Variants in KLHL22 observed in about 807,000 individuals in gnomAD.
KLHL22 encodes the protein kelch like family member 22.
In KLHL22, 18 loss-of-function variants were observed where a neutral mutation model predicts 60.7. The observed-to-expected ratio is 0.30, with a 90% CI of 0.20 to 0.44. The LOEUF (loss-of-function observed/expected upper bound fraction) is 0.44, where lower values mean the gene tolerates loss of function less well. KLHL22 is among the 20% of genes least tolerant of loss of function. The pLI is 1.00. For synonymous variants in KLHL22, 355 were observed against 354.5 expected, an observed-to-expected ratio of 1.00 and a Z score of -0.01; for missense variants, 596 against 852.3, an observed-to-expected ratio of 0.70 and a Z score of 3.74.
In KLHL22 at chr22:20,495,681, G is replaced by A. The variant is rs2053757802; in HGVS notation, c.-34+79C>T. The A allele has an allele frequency of 6.6e-6, 1 of 151,410 alleles. No individual in the cohort carries two copies. Among genetic ancestry groups the A allele is most frequent in the Non-Finnish European group, 1.5e-5 (1 of 67,580 alleles). The allele number at this position is 151,410 out of a possible 1,614,324, so 9.4% of individuals were successfully genotyped here. Reference sequence around the variant, plus strand: ...GACTCCGCGCCGCTAGCTTGTCCCCGGCCCAGCGATGCCTGCTTGCCGCCC... The same window carrying A: ...GACTCCGCGCCGCTAGCTTGTCCCCAGCCCAGCGATGCCTGCTTGCCGCCC... On this transcript the variant is annotated intron_variant, in intron 1 of 6. Transcript: ENST00000328879. This position sits in a 1 kb window ranked among gnomAD's most constrained non-coding sequence, Gnocchi z 4.6.
intron 3 of KLHL22, 130 bp downstream of exon 3, chr22:20,471,220 C>G: frequency 1.2e-6 from 1 of 830,732 alleles, no homozygotes; most frequent in Non-Finnish European, 1.8e-6. Context: ...TCATGGCCTT[C>G]GTCACTGCTT....
chr22:20,473,713 C>G (rs567552997), intron 2 of KLHL22, among the ~76,000 whole-genome samples: 1 of 152,078 alleles, frequency 6.6e-6, no homozygotes, highest in East Asian at 2.0e-4. Flanking sequence ...CCATCTCTAC[C>G]AAAAATACAA....
chr22:20,441,711 AG>A lies in KLHL22; in HGVS notation c.*361del, dbSNP rs2052760037. The A allele has an allele frequency of 4.6e-6, 1 of 216,388 alleles. No individual in the cohort carries two copies. The highest frequency in any genetic ancestry group is 1.9e-4 in the South Asian group (1 of 5,362). The allele number at this position is 216,388 out of a possible 1,614,324, so 13.4% of individuals were successfully genotyped here. On this transcript the variant is annotated 3_prime_UTR_variant, in exon 7 of 7. Transcript: ENST00000328879. Reference sequence around the variant, plus strand: ...ACAGCCCCACCCCATTCACAGAAAGAGGGCTACCACGTGCCTCAGCCCCCCT... The same window carrying A: ...ACAGCCCCACCCCATTCACAGAAAGAGGCTACCACGTGCCTCAGCCCCCCT...
At chr22:20,453,481 T>G (rs1037768553) in intron 5 of KLHL22, among the ~76,000 whole-genome samples, 1 of 152,214 alleles carries the variant, frequency 6.6e-6, no homozygotes, top group Non-Finnish European at 1.5e-5. Flanking sequence ...TACTCAGGTC[T>G]GTGGGTTTTC....
At chr22:20,464,562 G>A (rs910927093) in intron 4 of KLHL22, among the ~76,000 whole-genome samples, 6 of 152,140 alleles carry the variant, frequency 3.9e-5, no homozygotes, top group South Asian at 2.1e-4. Context: ...CTCCCCTCCC[G>A]TCTCCTCCTG....
At chr22:20,451,358 C>G (rs2146182047) in intron 5 of KLHL22, 2 of 1,611,760 alleles carry the variant, frequency 1.2e-6, no homozygotes, top group South Asian at 2.2e-5. Flanking sequence ...GATATGCAGA[C>G]AGCCCGGGAA....
Position 20,457,372 on chromosome 22 carries a change from G to T in KLHL22, c.1305+436C>A, listed in dbSNP as rs187431668. Among the ~76,000 whole-genome samples the T allele has an allele frequency of 1.9e-3, 290 of 152,152 alleles. 1 individual carries two copies. Among genetic ancestry groups the T allele is most frequent in the Non-Finnish European group, 2.5e-3 (173 of 67,992 alleles). On this transcript the variant is annotated intron_variant, in intron 5 of 6. Transcript: ENST00000328879. ...CTCTGGAAGGCGCCACCCTTCAGGG[G>T]ACCTAGAGGGAAGAGGTCTGAGGAT...
chr22:20,488,670 G>GTATCATTAAAAAAA, intron 2 of KLHL22: 1 of 239,262 alleles, frequency 4.2e-6, no homozygotes, highest in Non-Finnish European at 7.8e-6. Context: ...TGACGGAGGG[G>GTATCATTAAAAAAA]AGGAATGGTA....
intron 5 of KLHL22, among the ~76,000 whole-genome samples, chr22:20,452,103 G>C (rs1224056758): frequency 6.6e-6 from 1 of 151,920 alleles, no homozygotes; most frequent in Admixed American, 6.6e-5. Flanking sequence ...GCACTTTCCT[G>C]TCATTTCTAA....
In KLHL22 at chr22:20,465,624, C is replaced by T. The variant is rs1384432925; in HGVS notation, c.394-48G>A. ...TCAAGCCTGGGCTGGTGAACAGCAT[C>T]TGGGGGTGGGAGAGAGAATGATGGC... On this transcript the variant is annotated intron_variant, in intron 3 of 6. Coordinates refer to ENST00000328879, the MANE Select transcript of KLHL22 (RefSeq NM_032775.4). The surrounding 1 kb of genome is among the most constrained non-coding windows in gnomAD (Gnocchi z 4.9). The T allele has an allele frequency of 1.1e-6, 1 of 929,014 alleles. No individual in the cohort carries two copies. Among genetic ancestry groups the T allele is most frequent in the Non-Finnish European group, 1.8e-6 (1 of 555,474 alleles). The allele number at this position is 929,014 out of a possible 1,614,324, so 57.5% of individuals were successfully genotyped here.
In KLHL22 at chr22:20,451,458, C is replaced by A. The variant is rs1179262173; in HGVS notation, c.1306-4782G>T. 5.0e-6 allele frequency: 8 copies of A among 1,602,532 alleles called. No individual in the cohort carries two copies. The African/African-American group carries it at 8.0e-5, about 16-fold the overall frequency. On this transcript the variant is annotated intron_variant, in intron 5 of 6. Transcript: ENST00000328879. ...TCTTAAATTCAGTTGAGAAATATGA[C>A]CCTCATACAGGACACTGGACTAATG...
At chr22:20,454,321 T>C (rs1366777850) in intron 5 of KLHL22, among the ~76,000 whole-genome samples, 2 of 151,940 alleles carry the variant, frequency 1.3e-5, no homozygotes, top group African/African-American at 4.8e-5. Flanking sequence ...AGAGCGAGAC[T>C]CTGTCTCAAA....
chr22:20,476,405 ATTTTTTTTTTTTTTT>A (rs57189584), intron 2 of KLHL22, among the ~76,000 whole-genome samples: 2 of 69,354 alleles, frequency 2.9e-5, no homozygotes, highest in African/African-American at 1.3e-4. Context: ...ATTGACACAG[ATTTTTTTTTTTTTTT>A]TTTTTTTTTT....
In KLHL22 at chr22:20,446,675, A is replaced by G. The variant is rs749466536; in HGVS notation, c.1307T>C (p.Val436Ala). 6.2e-6 allele frequency: 10 copies of G among 1,607,696 alleles called. No individual in the cohort carries two copies. Among genetic ancestry groups the G allele is most frequent in the South Asian group, 1.1e-5 (1 of 91,076 alleles). The change falls in exon 6 of 7, where the codon GTG (valine) becomes GCG (alanine). Residue 436 changes from valine to alanine, a missense_variant and splice_region_variant. Val to Ala is a moderately conservative substitution (Grantham distance 64). Coordinates refer to ENST00000328879, the MANE Select transcript of KLHL22 (RefSeq NM_032775.4). ...CAGCGTCGCGCCTGCGTGGGCATACACCTGTGTGGAGCCACCAGGAGAAAT... is the reference window on the plus strand; with the variant it reads ...CAGCGTCGCGCCTGCGTGGGCATACGCCTGTGTGGAGCCACCAGGAGAAAT... ...WAYVAPLKRE[V>A]YAHAGATLEG...
intron 2 of KLHL22, chr22:20,481,949 G>A (rs1399095555): frequency 6.6e-6 from 1 of 152,406 alleles, no homozygotes; most frequent in African/African-American, 2.4e-5. Context: ...ATGGACCCTT[G>A]CTATGGTGTC....
chr22:20,442,792 A>T (rs1427658776), intron 6 of KLHL22, among the ~76,000 whole-genome samples: 4 of 152,206 alleles, frequency 2.6e-5, no homozygotes, highest in Non-Finnish European at 4.4e-5. Flanking sequence ...GTCATTCCCC[A>T]TGTCTGAGGG....
intron 5 of KLHL22, chr22:20,450,614 T>C (rs2052961728): frequency 5.6e-6 from 9 of 1,597,212 alleles, no homozygotes; most frequent in Non-Finnish European, 7.7e-6. Context: ...CCTGAAGTGG[T>C]ACAGCATGAA....
intron 2 of KLHL22, among the ~76,000 whole-genome samples, chr22:20,476,405 ATTTTTTTTTTTTTT>A (rs57189584): frequency 2.9e-5 from 2 of 69,352 alleles, no homozygotes; most frequent in East Asian, 5.0e-4. Flanking sequence ...ATTGACACAG[ATTTTTTTTTTTTTT>A]TTTTTTTTTT....
Position 20,465,632 on chromosome 22 carries a change from G to A in KLHL22, c.394-56C>T, listed in dbSNP as rs770798572. The A allele has an allele frequency of 1.1e-6, 1 of 882,250 alleles. No homozygotes were observed. The highest frequency in any genetic ancestry group is 1.3e-5 in the South Asian group (1 of 76,304). 54.7% of individuals were successfully genotyped at this position (882,250 alleles called of 1,614,324 possible). A position where few individuals can be genotyped will look rare whatever the true frequency, so the allele number is the denominator to read the frequency against. On this transcript the variant is annotated intron_variant, in intron 3 of 6. Transcript: ENST00000328879. This position sits in a 1 kb window ranked among gnomAD's most constrained non-coding sequence, Gnocchi z 4.9. ...GGGCTGGTGAACAGCATCTGGGGGT[G>A]GGAGAGAGAATGATGGCAGAAATAC...
Sources: allele counts gnomAD v4.1 joint callset (sites outside exome capture counted in the v4.1 genomes callset), GRCh38; gene constraint gnomAD v4.1.1; non-coding constraint Gnocchi (gnomAD v3.1); transcripts MANE v1.5; gene names NCBI Gene and HGNC (gene_info 2026-07-23, HGNC 2026-07-21).